The following MAST4 variants were observed in gnomAD, a reference collection of about 807,000 sequenced individuals.
MAST4 encodes the protein microtubule-associated serine/threonine-protein kinase 4.
Under a neutral mutation model 162.7 loss-of-function variants are expected in MAST4, and 89 were observed. The observed-to-expected ratio is 0.55, with a 90% CI of 0.46 to 0.65. The LOEUF is 0.65. MAST4 is among the 30% of genes least tolerant of loss of function. MAST4 has a pLI of 0.00. For synonymous variants in MAST4, 1,479 were observed against 1,361.1 expected (o/e 1.09, Z -1.91); for missense variants, 3,153 against 3,374.0 (o/e 0.93, Z 1.62).
intron 4 of MAST4, among the ~76,000 whole-genome samples, chr5:67,021,830 T>TA (rs1754019056): frequency 1.3e-5 from 2 of 152,174 alleles, no homozygotes; most frequent in South Asian, 4.1e-4. Flanking sequence ...TTTTTTATTT[T>TA]AAAAAATGTA....
At chr5:66,972,277 A>G (rs1351996634) in intron 4 of MAST4, among the ~76,000 whole-genome samples, 1 of 152,212 alleles carries the variant, frequency 6.6e-6, no homozygotes, top group African/African-American at 2.4e-5. Context: ...CTCGGGTGAA[A>G]AAGACGTGAG....
chr5:66,997,650 T>C (rs1750822003), intron 4 of MAST4, among the ~76,000 whole-genome samples: 1 of 151,922 alleles, frequency 6.6e-6, no homozygotes, highest in African/African-American at 2.4e-5. Flanking sequence ...CCAGGCTGGT[T>C]TTGAACTCCT....
chr5:66,808,881 C>A (rs1409435294), intron 3 of MAST4, among the ~76,000 whole-genome samples: 1 of 152,190 alleles, frequency 6.6e-6, no homozygotes, highest in African/African-American at 2.4e-5. Context: ...CCAGACCAGC[C>A]TTTTCCCTGC....
intron 1 of MAST4, among the ~76,000 whole-genome samples, chr5:66,599,445 C>A (rs529729042): frequency 6.6e-6 from 1 of 152,230 alleles, no homozygotes; most frequent in African/African-American, 2.4e-5. Flanking sequence ...GACCATTCAA[C>A]TTCTGCAAAT....
intron 1 of MAST4, among the ~76,000 whole-genome samples, chr5:66,720,877 T>C (rs1751159515): frequency 6.6e-6 from 1 of 152,196 alleles, no homozygotes; most frequent in African/African-American, 2.4e-5. Flanking sequence ...TTTTAGCCGA[T>C]GACCTTGATG....
At chr5:67,094,219 A>T (rs1013472787) in intron 6 of MAST4, 51 of 1,285,608 alleles carry the variant, frequency 4.0e-5, no homozygotes, top group Admixed American at 1.6e-4. Context: ...TGTCCACTTG[A>T]ATTTTTCCGT....
chr5:67,027,812 C>G (rs563106153), intron 4 of MAST4, among the ~76,000 whole-genome samples: 1 of 152,158 alleles, frequency 6.6e-6, no homozygotes, highest in African/African-American at 2.4e-5. Flanking sequence ...ATAACCACCT[C>G]TAAGTTTAAG....
rs183098910 is a variant in MAST4 at position 66,982,111 on chromosome 5, C to T, written c.675-72293C>T. Reference sequence around the variant, plus strand: ...ATTTACAGAGAGAGATTAACTTGTCCGGAGTCTTACAAACTAGGAAGTGGC... The same window carrying T: ...ATTTACAGAGAGAGATTAACTTGTCTGGAGTCTTACAAACTAGGAAGTGGC... On this transcript the variant is annotated intron_variant, in intron 4 of 28. Transcript: ENST00000403625. Among the ~76,000 whole-genome samples, 6 of 152,166 alleles carry T rather than the reference C, an allele frequency of 3.9e-5. No homozygotes were observed. The East Asian group carries it at 5.8e-4, about 15-fold the overall frequency.
intron 1 of MAST4, among the ~76,000 whole-genome samples, chr5:66,602,597 C>T (rs186914697): frequency 1.3e-4 from 20 of 151,834 alleles, no homozygotes; most frequent in African/African-American, 4.4e-4. Flanking sequence ...CCTCATAGGA[C>T]GTGTCCCACA....
At chr5:66,632,383 G>T (rs541696675) in intron 1 of MAST4, among the ~76,000 whole-genome samples, 1 of 152,216 alleles carries the variant, frequency 6.6e-6, no homozygotes, top group African/African-American at 2.4e-5. Flanking sequence ...AAATTGAGTA[G>T]GGGCTTTGGA....
chr5:66,784,618 GA>G, intron 2 of MAST4, among the ~76,000 whole-genome samples: 1 of 152,154 alleles, frequency 6.6e-6, no homozygotes, highest in Non-Finnish European at 1.5e-5. Context: ...TCACTTACAA[GA>G]AGAAATATTA....
intron 4 of MAST4, among the ~76,000 whole-genome samples, chr5:67,000,759 G>T (rs184575751): frequency 6.6e-6 from 1 of 151,446 alleles, no homozygotes; most frequent in African/African-American, 2.4e-5. Context: ...AAAAAAAAGG[G>T]GGGGGGTGGC....
intron 3 of MAST4, among the ~76,000 whole-genome samples, chr5:66,842,220 G>A (rs544534188): frequency 6.6e-6 from 1 of 152,296 alleles, no homozygotes. Flanking sequence ...ATGCAAATTA[G>A]TAGAGATTCA....
At chr5:66,732,896 A>G (rs1301011052) in intron 1 of MAST4, among the ~76,000 whole-genome samples, 4 of 152,100 alleles carry the variant, frequency 2.6e-5, no homozygotes, top group African/African-American at 7.2e-5. Context: ...CGGTCTCTAA[A>G]GCTCTGCTTG....
chr5:66,916,219 C>T (rs1433586287), intron 4 of MAST4, among the ~76,000 whole-genome samples: 2 of 152,118 alleles, frequency 1.3e-5, no homozygotes, highest in Non-Finnish European at 2.9e-5. Context: ...ATAAGTGGCT[C>T]TGAATTGTAT....
At chr5:66,883,053 T>C (rs924398305) in intron 3 of MAST4, among the ~76,000 whole-genome samples, 3 of 152,144 alleles carry the variant, frequency 2.0e-5, no homozygotes, top group Non-Finnish European at 4.4e-5. Flanking sequence ...TAAAAAATCA[T>C]AAAATATGCT....
At chr5:66,627,131 C>A (rs1206993896) in intron 1 of MAST4, among the ~76,000 whole-genome samples, 11 of 152,108 alleles carry the variant, frequency 7.2e-5, no homozygotes, top group Admixed American at 7.2e-4. Context: ...AGGAAACTTA[C>A]AATTTGGGCG....
chr5:66,597,046 T>C, intron 1 of MAST4, 28 bp downstream of exon 1: 1 of 1,401,812 alleles, frequency 7.1e-7, no homozygotes, highest in Non-Finnish European at 9.2e-7. Flanking sequence ...TTGCCCACTC[T>C]GGGTTCCGGC....
At chr5:66,694,162 G>C (rs72761228) in intron 1 of MAST4, among the ~76,000 whole-genome samples, 61 of 152,296 alleles carry the variant, frequency 4.0e-4, no homozygotes, top group Middle Eastern at 3.4e-3. Flanking sequence ...ACCCACCCTG[G>C]ACATCTTGAA....
Sources: allele counts gnomAD v4.1 joint callset (sites outside exome capture counted in the v4.1 genomes callset), GRCh38; gene constraint gnomAD v4.1.1; transcripts MANE v1.5; gene names NCBI Gene and HGNC (gene_info 2026-07-23, HGNC 2026-07-21).